Variants in VIT observed in about 807,000 individuals in gnomAD.
VIT encodes vitrin.
A neutral mutation model predicts 78.0 loss-of-function variants in VIT; 99 were observed. The ratio of observed to expected loss-of-function variants is 1.27; its 90% CI spans 1.08 to 1.50. The LOEUF is 1.50. VIT is among the 40% of genes most tolerant of loss of function. The pLI is 0.00. For missense variants in VIT, 1,126 were observed against 875.3 expected (o/e 1.29, Z -3.61); for synonymous variants, 374 against 334.3 (o/e 1.12, Z -1.29).
chr2:36,811,979 A>G (rs1667206318), intron 15 of VIT, among the ~76,000 whole-genome samples: 1 of 151,988 alleles, frequency 6.6e-6, no homozygotes, highest in South Asian at 2.1e-4. Flanking sequence ...CCTGGCCCGG[A>G]GAGCTAAATT....
chr2:36,773,925 C>A, intron 8 of VIT, 78 bp downstream of exon 8: 2 of 1,420,324 alleles, frequency 1.4e-6, no homozygotes, highest in South Asian at 1.5e-5. Context: ...ACATCTTTGC[C>A]ATTTAATTTA....
At chr2:36,793,896 G>A (rs1027517829) in intron 12 of VIT, among the ~76,000 whole-genome samples, 1 of 152,188 alleles carries the variant, frequency 6.6e-6, no homozygotes, top group African/African-American at 2.4e-5. Context: ...AAGCCTTCTA[G>A]AATCCAGAGC....
intron 10 of VIT, among the ~76,000 whole-genome samples, chr2:36,782,138 C>G (rs1180446033): frequency 6.6e-6 from 1 of 152,162 alleles, no homozygotes; most frequent in Non-Finnish European, 1.5e-5. Flanking sequence ...TTTCCCTTCA[C>G]GAGAATGGGT....
intron 15 of VIT, among the ~76,000 whole-genome samples, chr2:36,812,527 A>G (rs1262718148): frequency 6.6e-6 from 1 of 152,008 alleles, no homozygotes; most frequent in Non-Finnish European, 1.5e-5. Flanking sequence ...TGGATGCCTT[A>G]TCTCTGAATC....
intron 3 of VIT, among the ~76,000 whole-genome samples, chr2:36,730,818 G>A (rs920426044): frequency 3.2e-4 from 48 of 152,322 alleles, no homozygotes; most frequent in African/African-American, 8.4e-4. Context: ...ACCCAAAGGC[G>A]TGAAAGTCCC....
At chr2:36,750,688 G>A (rs1265276562) in intron 4 of VIT, among the ~76,000 whole-genome samples, 1 of 151,828 alleles carries the variant, frequency 6.6e-6, no homozygotes. Context: ...GGGCATGGCG[G>A]TGCACACATG....
At chr2:36,792,924 T>TTAC (rs1343827948) in intron 12 of VIT, among the ~76,000 whole-genome samples, 1 of 152,192 alleles carries the variant, frequency 6.6e-6, no homozygotes, top group African/African-American at 2.4e-5. Context: ...ATTATTATTA[T>TTAC]TACTAAAGCA....
chr2:36,735,423 G>C (rs937000440), intron 3 of VIT, among the ~76,000 whole-genome samples: 1 of 152,192 alleles, frequency 6.6e-6, no homozygotes, highest in Non-Finnish European at 1.5e-5. Flanking sequence ...AATTGCTGGG[G>C]TAGGGGGTGG....
chr2:36,760,291 C>A (rs1384572698), intron 6 of VIT, among the ~76,000 whole-genome samples: 2 of 152,154 alleles, frequency 1.3e-5, no homozygotes, highest in Admixed American at 1.3e-4. Context: ...CTGTTCCTGG[C>A]CCATTCTAGA....
At chr2:36,697,092 T>A (rs1215877412) in intron 1 of VIT, 119 bp downstream of exon 1, 1 of 146,582 alleles carries the variant, frequency 6.8e-6, no homozygotes, top group African/African-American at 2.5e-5. Context: ...AATTTCAGTT[T>A]CAAGAGAGTT....
At chr2:36,727,286 G>A (rs1025585789) in intron 2 of VIT, among the ~76,000 whole-genome samples, 7 of 151,954 alleles carry the variant, frequency 4.6e-5, no homozygotes, top group African/African-American at 7.3e-5. Flanking sequence ...AGGCACACTC[G>A]TATGCACACA....
rs1334275285 is a variant in VIT, at chr2:36,774,945, A to C, written c.737-57A>C. 8.8e-6 allele frequency: 14 copies of C among 1,598,376 alleles called. No homozygotes were observed. The African/African-American group carries it at 1.8e-4, about 20-fold the overall frequency. On this transcript the variant is annotated intron_variant, in intron 8 of 15. Transcript: ENST00000379242. ...AATTTTCACCGGGGGCAAAATAAGG[A>C]AAGAAAGCAGCCTGCTGGTTGTGTG... is the stretch of plus-strand genomic sequence containing the variant.
intron 3 of VIT, among the ~76,000 whole-genome samples, chr2:36,731,146 C>T (rs1319935211): frequency 6.6e-6 from 1 of 152,054 alleles, no homozygotes; most frequent in Non-Finnish European, 1.5e-5. Flanking sequence ...TCTGCCTAGG[C>T]ATTTGGCTGC....
At position 36,743,089 on chromosome 2, in the gene VIT, T is replaced by G; in HGVS notation, c.119-11T>G. ...ACAAGGTGTAATTTTGACCTCATTT[T>G]GTATTCCCAGCTGTGCCTCAGATCA... On this transcript the variant is annotated splice_polypyrimidine_tract_variant and intron_variant, in intron 3 of 15. Transcript: ENST00000379242. The G allele has an allele frequency of 6.2e-7, 1 of 1,613,870 alleles. No homozygotes were observed. The highest frequency in any genetic ancestry group is 8.5e-7 in the Non-Finnish European group (1 of 1,179,816).
chr2:36,740,625 A>C (rs10490661), intron 3 of VIT, among the ~76,000 whole-genome samples: 2 of 152,092 alleles, frequency 1.3e-5, no homozygotes, highest in African/African-American at 4.8e-5. Context: ...GGACAAATTA[A>C]TGAGTGAATC....
intron 1 of VIT, among the ~76,000 whole-genome samples, chr2:36,707,071 G>A (rs893933267): frequency 6.6e-6 from 1 of 152,086 alleles, no homozygotes; most frequent in Non-Finnish European, 1.5e-5. Context: ...GCAGACTCTG[G>A]TATAAACCCC....
intron 3 of VIT, among the ~76,000 whole-genome samples, chr2:36,731,629 T>G (rs990898644): frequency 1.3e-5 from 2 of 151,748 alleles, no homozygotes; most frequent in Non-Finnish European, 2.9e-5. Context: ...ATTATTACTA[T>G]GAAAAAAAAG....
At chr2:36,808,230 G>A (rs1451753268) in intron 14 of VIT, among the ~76,000 whole-genome samples, 1 of 152,218 alleles carries the variant, frequency 6.6e-6, no homozygotes, top group African/African-American at 2.4e-5. Context: ...TTAGCAGACA[G>A]CTTTCCACTA....
chr2:36,706,886 T>A (rs372736722), intron 1 of VIT, among the ~76,000 whole-genome samples: 1 of 152,176 alleles, frequency 6.6e-6, no homozygotes, highest in African/African-American at 2.4e-5. Flanking sequence ...GTGACAACCA[T>A]GTGAGGAGTT....
Sources: gnomAD v4.1 joint callset for allele counts (sites outside exome capture counted in the v4.1 genomes callset) on GRCh38, gnomAD v4.1.1 for gene constraint, MANE v1.5 for transcripts, NCBI Gene and HGNC (gene_info 2026-07-23, HGNC 2026-07-21) for gene names.